Variants in SNX27 observed in about 807,000 individuals in gnomAD.
SNX27 encodes the protein sorting nexin 27.
SNX27 carries 22 observed loss-of-function variants against 71.6 expected under a neutral mutation model. That is an observed-to-expected ratio of 0.31 (90% confidence interval 0.22 to 0.44). SNX27 has a LOEUF of 0.44. Ranked by LOEUF, SNX27 falls within the 20% of genes least tolerant of loss-of-function variation. The pLI, the probability that SNX27 is intolerant of heterozygous loss-of-function variation, is 1.00. For synonymous variants in SNX27, 269 were observed against 277.2 expected (o/e 0.97, Z 0.29); for missense variants, 531 against 698.6 (o/e 0.76, Z 2.70).
At chr1:151,636,709 T>G (rs1199921015) in intron 1 of SNX27, among the ~76,000 whole-genome samples, 1 of 147,674 alleles carries the variant, frequency 6.8e-6, no homozygotes, top group Non-Finnish European at 1.5e-5. Flanking sequence ...ATGAGTTAGC[T>G]AAGGTTCCTA....
intron 1 of SNX27, chr1:151,614,550 G>C (rs1242779925): frequency 6.6e-6 from 1 of 152,148 alleles, no homozygotes; most frequent in Non-Finnish European, 1.5e-5. Flanking sequence ...TGAAACTCCT[G>C]ACCTCAGGTG....
At chr1:151,617,210 TATA>T (rs1667460930) in intron 1 of SNX27, among the ~76,000 whole-genome samples, 1 of 152,194 alleles carries the variant, frequency 6.6e-6, no homozygotes, top group Non-Finnish European at 1.5e-5. Context: ...TATTAATAGT[TATA>T]ATAATCATTT....
At chr1:151,689,423 A>AATTG (rs1671337962) in intron 8 of SNX27, among the ~76,000 whole-genome samples, 1 of 152,184 alleles carries the variant, frequency 6.6e-6, no homozygotes, top group Non-Finnish European at 1.5e-5. Context: ...TAACTTACTC[A>AATTG]AGGTCACAAA....
intron 1 of SNX27, among the ~76,000 whole-genome samples, chr1:151,619,230 A>G (rs1328613674): frequency 6.6e-6 from 1 of 152,120 alleles, no homozygotes. Flanking sequence ...AGTCCCAGCT[A>G]CTCAGGAGGC....
chr1:151,658,920 G>A (rs1018463393), intron 3 of SNX27, among the ~76,000 whole-genome samples: 2 of 152,080 alleles, frequency 1.3e-5, no homozygotes, highest in African/African-American at 4.8e-5. Flanking sequence ...TCTTGACCTC[G>A]TGATCCGCCC....
chr1:151,671,427 G>A (rs1424611337), intron 7 of SNX27, among the ~76,000 whole-genome samples: 1 of 151,580 alleles, frequency 6.6e-6, no homozygotes, highest in African/African-American at 2.4e-5. Flanking sequence ...TTGTAGAGGT[G>A]GGGGGTCTTG....
chr1:151,648,906 A>AT, intron 2 of SNX27, among the ~76,000 whole-genome samples: 1 of 148,932 alleles, frequency 6.7e-6, no homozygotes, highest in Middle Eastern at 3.5e-3. Flanking sequence ...TATTCGAAAG[A>AT]TTTTTTCAGG....
chr1:151,612,069 G>C lies in SNX27; in HGVS notation c.-133G>C. The C allele has an allele frequency of 9.7e-7, 1 of 1,031,758 alleles. No individual in the cohort carries two copies. Among genetic ancestry groups the C allele is most frequent in the Non-Finnish European group, 1.3e-6 (1 of 787,134 alleles). 63.9% of individuals were successfully genotyped at this position (1,031,758 alleles called of 1,614,324 possible). On this transcript the variant is annotated 5_prime_UTR_variant, in exon 1 of 12. Transcript: ENST00000458013. This position sits in a 1 kb window ranked among gnomAD's most constrained non-coding sequence, Gnocchi z 5.2. ...CTCTTCACCCCGCGCCAGCAGCTCGGTGGCCGAGTCGGTCCCGCGGCCGGC... is the reference window on the plus strand; with the variant it reads ...CTCTTCACCCCGCGCCAGCAGCTCGCTGGCCGAGTCGGTCCCGCGGCCGGC...
intron 1 of SNX27, among the ~76,000 whole-genome samples, chr1:151,623,652 G>A (rs1047141172): frequency 1.3e-5 from 2 of 151,846 alleles, no homozygotes; most frequent in South Asian, 2.1e-4. Flanking sequence ...CTCCCGTCTC[G>A]GCCTCCCAAA....
intron 2 of SNX27, among the ~76,000 whole-genome samples, chr1:151,645,952 A>C (rs187538394): frequency 6.6e-6 from 1 of 152,230 alleles, no homozygotes; most frequent in African/African-American, 2.4e-5. Context: ...GGGTTGGTCT[A>C]CAGGAAGTGT....
chr1:151,693,127 G>A (rs1346411813), intron 10 of SNX27, 88 bp downstream of exon 10: 4 of 1,524,950 alleles, frequency 2.6e-6, no homozygotes, highest in Non-Finnish European at 3.6e-6. Flanking sequence ...GAGAGAGATA[G>A]AGCTAGTAGT....
At chr1:151,630,654 G>A (rs1217428754) in intron 1 of SNX27, among the ~76,000 whole-genome samples, 1 of 152,220 alleles carries the variant, frequency 6.6e-6, no homozygotes, top group Non-Finnish European at 1.5e-5. Flanking sequence ...TATTTTGGCT[G>A]CATTCATTGC....
intron 8 of SNX27, among the ~76,000 whole-genome samples, chr1:151,688,699 CATTTT>C (rs1671304127): frequency 1.3e-5 from 2 of 151,260 alleles, no homozygotes; most frequent in South Asian, 2.1e-4. Context: ...TTTTGTAACT[CATTTT>C]AGGTTTAGGG....
chr1:151,663,308 G>A (rs530826151), intron 5 of SNX27, among the ~76,000 whole-genome samples: 3 of 151,794 alleles, frequency 2.0e-5, no homozygotes, highest in South Asian at 2.1e-4. Context: ...CCACCACCAC[G>A]CCCGGCTAAT....
At chr1:151,656,223 C>CA (rs71093203) in intron 2 of SNX27, among the ~76,000 whole-genome samples, 30,597 of 76,970 alleles carry the variant, frequency 0.4, 5,334 homozygotes, top group Middle Eastern at 0.56. Context: ...GACTCCGTCT[C>CA]AAAAAAAAAA....
At position 151,612,131 on chromosome 1, in the gene SNX27, A is replaced by T. The variant is rs1377552149; in HGVS notation, c.-71A>T. On this transcript the variant is annotated 5_prime_UTR_variant, in exon 1 of 12. Coordinates refer to ENST00000458013, the MANE Select transcript of SNX27 (RefSeq NM_001330723.2). The surrounding 1 kb of genome is among the most constrained non-coding windows in gnomAD (Gnocchi z 5.2). ...GCGCGTCGGGGGTCGTCCGGCTGCCAGGCAGGGCGAGCACGCGCCGGGAGG... is the reference window on the plus strand; with the variant it reads ...GCGCGTCGGGGGTCGTCCGGCTGCCTGGCAGGGCGAGCACGCGCCGGGAGG... 3 of 1,269,000 alleles carry T rather than the reference A, an allele frequency of 2.4e-6. No homozygotes were observed. The African/African-American group carries it at 4.7e-5, about 20-fold the overall frequency. 78.6% of individuals were successfully genotyped at this position (1,269,000 alleles called of 1,614,324 possible).
chr1:151,694,526 G>C lies in SNX27; in HGVS notation c.*109G>C. The C allele has an allele frequency of 8.6e-6, 10 of 1,160,078 alleles. No homozygotes were observed. The highest frequency in any genetic ancestry group is 1.1e-5 in the Non-Finnish European group (9 of 834,054). 71.9% of individuals were successfully genotyped at this position (1,160,078 alleles called of 1,614,324 possible). A position where few individuals can be genotyped will look rare whatever the true frequency, so the allele number is the denominator to read the frequency against. ...AAAAAGAAGAGAAAAAGTTAAAGTC[G>C]TTATATTCAAAAGCCCTAAACTAAA... On this transcript the variant is annotated 3_prime_UTR_variant, in exon 12 of 12. Transcript: ENST00000458013.
At chr1:151,674,978 G>T (rs182257676) in intron 7 of SNX27, among the ~76,000 whole-genome samples, 2 of 152,070 alleles carry the variant, frequency 1.3e-5, no homozygotes, top group Non-Finnish European at 2.9e-5. Flanking sequence ...GAGCCACCGC[G>T]CCCGGCACTG....
At chr1:151,664,539 G>A (rs143203838) in intron 5 of SNX27, among the ~76,000 whole-genome samples, 548 of 152,162 alleles carry the variant, frequency 3.6e-3, no homozygotes, top group African/African-American at 0.013. Flanking sequence ...CATGATCTGC[G>A]TGCTGGGTGT....
Sources: gnomAD v4.1 joint callset for allele counts (sites outside exome capture counted in the v4.1 genomes callset) on GRCh38, gnomAD v4.1.1 for gene constraint, Gnocchi (gnomAD v3.1) non-coding constraint, MANE v1.5 for transcripts, NCBI Gene and HGNC (gene_info 2026-07-23, HGNC 2026-07-21) for gene names.